Variants in NDUFC1 observed in about 807,000 individuals in gnomAD.
NDUFC1 encodes the protein NADH:ubiquinone oxidoreductase subunit C1.
A neutral mutation model predicts 11.6 loss-of-function variants in NDUFC1; 11 were observed. The observed-to-expected ratio is 0.95, with a 90% confidence interval of 0.60 to 1.58. The LOEUF (loss-of-function observed/expected upper bound fraction) is 1.58, where lower values mean the gene tolerates loss of function less well. Ranked by LOEUF, NDUFC1 falls within the 40% of genes most tolerant of loss-of-function variation. The pLI is 0.00. For synonymous variants in NDUFC1, 52 were observed against 42.2 expected (o/e 1.23, Z -0.90); for missense variants, 112 against 93.0 (o/e 1.20, Z -0.84).
intron 2 of NDUFC1, 117 bp from the exon 3 acceptor site, chr4:139,296,077 T>A: frequency 6.5e-6 from 3 of 458,628 alleles, no homozygotes; most frequent in South Asian, 6.7e-5. Flanking sequence ...TTTATTAAAA[T>A]TTTCCTACAT....
At chr4:139,290,358 G>A (rs1264429761) in intron 5 of NDUFC1, among the ~76,000 whole-genome samples, 1 of 107,340 alleles carries the variant, frequency 9.3e-6, no homozygotes, top group Non-Finnish European at 1.8e-5. Context: ...AAGTCACTAT[G>A]TTGCCCAAAC....
At chr4:139,296,999 C>T (rs1745499418) in intron 2 of NDUFC1, among the ~76,000 whole-genome samples, 1 of 152,150 alleles carries the variant, frequency 6.6e-6, no homozygotes, top group Admixed American at 6.6e-5. Flanking sequence ...CAAATGGTGG[C>T]TAAATGGATT....
chr4:139,299,619 T>TA (rs1236236083), intron 1 of NDUFC1, among the ~76,000 whole-genome samples: 1 of 152,128 alleles, frequency 6.6e-6, no homozygotes, highest in Non-Finnish European at 1.5e-5. Flanking sequence ...TAAATATATA[T>TA]TTTTTTATTC....
intron 5 of NDUFC1, among the ~76,000 whole-genome samples, chr4:139,291,778 G>A (rs1745228804): frequency 6.6e-6 from 1 of 151,772 alleles, no homozygotes; most frequent in Non-Finnish European, 1.5e-5. Flanking sequence ...TGTCATAAGT[G>A]CTATGAAAGC....
chr4:139,301,131 C>T (rs1464593854), intron 1 of NDUFC1: 1 of 163,434 alleles, frequency 6.1e-6, no homozygotes, highest in Non-Finnish European at 1.3e-5. Flanking sequence ...CCATAATCAA[C>T]TACAGCGCTT....
chr4:139,293,930 A>ATTTTTTTTTTTTTTT (rs775805536), intron 4 of NDUFC1, among the ~76,000 whole-genome samples: 2 of 69,716 alleles, frequency 2.9e-5, no homozygotes, highest in African/African-American at 1.3e-4. Context: ...TGTGGTGTGA[A>ATTTTTTTTTTTTTTT]TTTTTTTTTT....
chr4:139,293,310 C>T (rs1329014299), intron 4 of NDUFC1, among the ~76,000 whole-genome samples: 1 of 152,090 alleles, frequency 6.6e-6, no homozygotes, highest in African/African-American at 2.4e-5. Flanking sequence ...GATTGAATGA[C>T]CAACCCCATC....
At chr4:139,293,872 C>T (rs920950902) in intron 4 of NDUFC1, among the ~76,000 whole-genome samples, 4 of 150,752 alleles carry the variant, frequency 2.7e-5, no homozygotes, top group African/African-American at 9.7e-5. Context: ...ATAGTAGGTG[C>T]CACGTAGTGT....
At position 139,295,163 on chromosome 4, in the gene NDUFC1, G is replaced by A; in HGVS notation, c.68-17C>T. ...GCACTGAAGCTGAAAGGGGAAGAGGGTCTGTAAATTTGTAACTTACTGCCT... is the reference window on the plus strand; with the variant it reads ...GCACTGAAGCTGAAAGGGGAAGAGGATCTGTAAATTTGTAACTTACTGCCT... On this transcript the variant is annotated splice_polypyrimidine_tract_variant and intron_variant, in intron 3 of 5. Transcript: ENST00000394223. 2 of 1,607,216 alleles carry A rather than the reference G, an allele frequency of 1.2e-6. No homozygotes were observed. The highest frequency in any genetic ancestry group is 8.5e-7 in the Non-Finnish European group (1 of 1,173,862).
chr4:139,301,800 C>A, intron 1 of NDUFC1: 1 of 1,589,382 alleles, frequency 6.3e-7, no homozygotes, highest in East Asian at 2.3e-5. Context: ...AGCCTCCCGC[C>A]CAAGGAGAAT....
intron 1 of NDUFC1, among the ~76,000 whole-genome samples, chr4:139,298,733 G>C (rs72724794): frequency 6.6e-6 from 1 of 151,682 alleles, no homozygotes; most frequent in African/African-American, 2.4e-5. Flanking sequence ...GAGAGCAGAG[G>C]TGTCATCACA....
chr4:139,291,660 GA>G (rs1745223257), intron 5 of NDUFC1, among the ~76,000 whole-genome samples: 1 of 152,082 alleles, frequency 6.6e-6, no homozygotes, highest in Non-Finnish European at 1.5e-5. Context: ...GCAAGTTGCT[GA>G]ATAAAGGATA....
chr4:139,295,685 A>AG, intron 3 of NDUFC1, 47 bp downstream of exon 3: 1 of 1,524,756 alleles, frequency 6.6e-7, no homozygotes, highest in Non-Finnish European at 8.8e-7. Context: ...CCGCCTTAGG[A>AG]GGGGTAATCT....
At chr4:139,296,729 G>A (rs1745489142) in intron 2 of NDUFC1, among the ~76,000 whole-genome samples, 1 of 152,202 alleles carries the variant, frequency 6.6e-6, no homozygotes, top group South Asian at 2.1e-4. Context: ...TTGCACAGTT[G>A]AGCCAGATCT....
At chr4:139,301,728 C>T in intron 1 of NDUFC1, 1 of 1,534,128 alleles carries the variant, frequency 6.5e-7, no homozygotes, top group South Asian at 1.2e-5. Flanking sequence ...GTCGGACAAA[C>T]TGACTGACCG....
chr4:139,290,346 C>T (rs1410567837), intron 5 of NDUFC1, among the ~76,000 whole-genome samples: 4 of 117,204 alleles, frequency 3.4e-5, no homozygotes, highest in Non-Finnish European at 6.6e-5. Context: ...TTGGTAGAGA[C>T]AAAGTCACTA....
In NDUFC1 at chr4:139,293,930, A is replaced by AT. The variant is rs775805536; in HGVS notation, c.171+1112dup. The stretch of plus-strand genomic sequence containing the variant: ...TTTATGTGTAAAGCATGTGGTGTGA[A>AT]TTTTTTTTTTTTTTTTTTTTTTTTT... On this transcript the variant is annotated intron_variant, in intron 4 of 5. Transcript: ENST00000394223. Among the ~76,000 whole-genome samples, 444 of 69,752 alleles carry AT rather than the reference A, an allele frequency of 6.4e-3. 29 individuals are homozygous for AT. The highest frequency in any genetic ancestry group is 0.015 in the African/African-American group (235 of 15,752). 45.8% of individuals were successfully genotyped at this position (69,752 alleles called of 152,430 possible). A position where few individuals can be genotyped will look rare whatever the true frequency, so the allele number is the denominator to read the frequency against.
chr4:139,296,942 CA>C (rs1745497280), intron 2 of NDUFC1, among the ~76,000 whole-genome samples: 1 of 152,066 alleles, frequency 6.6e-6, no homozygotes, highest in Non-Finnish European at 1.5e-5. Flanking sequence ...AATTATTGAC[CA>C]AAAAGTCAAT....
chr4:139,301,382 CA>C (rs1745723032), intron 1 of NDUFC1: 1 of 420,818 alleles, frequency 2.4e-6, no homozygotes, highest in South Asian at 6.9e-5. Flanking sequence ...CCTCCACAGG[CA>C]GGCCAGCCTC....
Sources: allele counts gnomAD v4.1 joint callset (sites outside exome capture counted in the v4.1 genomes callset), GRCh38; gene constraint gnomAD v4.1.1; transcripts MANE v1.5; gene names NCBI Gene and HGNC (gene_info 2026-07-23, HGNC 2026-07-21).